Variants in WDFY3 observed in about 807,000 individuals in gnomAD.
The protein encoded by WDFY3 is WD repeat and FYVE domain-containing protein 3.
A neutral mutation model predicts 409.6 loss-of-function variants in WDFY3; 66 were observed. The ratio of observed to expected loss-of-function variants is 0.16; its 90% CI spans 0.13 to 0.20. The LOEUF (loss-of-function observed/expected upper bound fraction) is 0.20. WDFY3 is among the 10% of genes least tolerant of loss of function. WDFY3 has a pLI of 1.00. For synonymous variants in WDFY3, 1,521 were observed against 1,537.1 expected (o/e 0.99, Z 0.25); for missense variants, 3,031 against 4,298.1 (o/e 0.71, Z 8.24).
intron 30 of WDFY3, among the ~76,000 whole-genome samples, chr4:84,769,581 A>AT (rs901949936): frequency 1.3e-5 from 2 of 151,284 alleles, no homozygotes; most frequent in African/African-American, 4.9e-5. Context: ...TGCCCGGCTA[A>AT]TTTTTTTTGT....
At chr4:84,782,845 C>A in intron 25 of WDFY3, 118 bp downstream of exon 25, 1 of 764,786 alleles carries the variant, frequency 1.3e-6, no homozygotes, top group East Asian at 2.5e-5. Context: ...ACTGCACGTA[C>A]ACTATAGGTC....
At chr4:84,963,127 C>CAAAAAAAA (rs112014329) in intron 1 of WDFY3, among the ~76,000 whole-genome samples, 1 of 130,682 alleles carries the variant, frequency 7.7e-6, no homozygotes, top group Non-Finnish European at 1.6e-5. Context: ...AACAAAAAAA[C>CAAAAAAAA]AAAAAAAAAA....
chr4:84,913,308 G>A (rs1579099408), intron 2 of WDFY3, among the ~76,000 whole-genome samples: 1 of 152,138 alleles, frequency 6.6e-6, no homozygotes, highest in Non-Finnish European at 1.5e-5. Flanking sequence ...CATTGTTACA[G>A]AAGAAGCCAT....
intron 2 of WDFY3, among the ~76,000 whole-genome samples, chr4:84,926,983 C>T (rs1440022580): frequency 6.6e-6 from 1 of 152,072 alleles, no homozygotes; most frequent in African/African-American, 2.4e-5. Flanking sequence ...AAAGGAATAC[C>T]ACGTAGAAAT....
At chr4:84,678,133 A>G in intron 66 of WDFY3, 35 bp downstream of exon 66, 1 of 1,545,528 alleles carries the variant, frequency 6.5e-7, no homozygotes, top group Non-Finnish European at 8.9e-7. Context: ...AATGACTCAG[A>G]TGGGAAGCGG....
At chr4:84,947,648 A>G (rs1485321682) in intron 1 of WDFY3, among the ~76,000 whole-genome samples, 1 of 148,854 alleles carries the variant, frequency 6.7e-6, no homozygotes, top group African/African-American at 2.5e-5. Flanking sequence ...GGCAGTCAAG[A>G]TCGCTTGAGT....
intron 4 of WDFY3, among the ~76,000 whole-genome samples, chr4:84,856,645 C>T (rs1759799695): frequency 6.6e-6 from 1 of 152,134 alleles, no homozygotes. Flanking sequence ...AGAAAAAAGA[C>T]TTAATACATG....
chr4:84,743,858 A>C, intron 36 of WDFY3, 59 bp from the exon 37 acceptor site: 1 of 1,224,752 alleles, frequency 8.2e-7, no homozygotes, highest in Non-Finnish European at 1.1e-6. Flanking sequence ...TATGAGCTCA[A>C]CCACATTTAC....
At chr4:84,922,185 C>T (rs949819102) in intron 2 of WDFY3, among the ~76,000 whole-genome samples, 27 of 151,976 alleles carry the variant, frequency 1.8e-4, no homozygotes, top group African/African-American at 6.3e-4. Context: ...TCAAGTTGCA[C>T]AATAACAACA....
In WDFY3 at chr4:84,770,535, G is replaced by A. The variant is rs894900228; in HGVS notation, c.4849+2300C>T. On this transcript the variant is annotated intron_variant, in intron 30 of 67. Coordinates refer to ENST00000295888, the MANE Select transcript of WDFY3 (RefSeq NM_014991.6). ...TACTTTCCTTCTTTCTAGAACTAAC[G>A]CTCAGGCTAAAGTTTCATGGTTATA... 2.6e-5 allele frequency among the ~76,000 whole-genome samples: 4 copies of A among 152,040 alleles called. No individual in the cohort carries two copies. The East Asian group carries it at 5.8e-4, about 22-fold the overall frequency.
At chr4:84,859,640 A>T (rs1760283589) in intron 4 of WDFY3, among the ~76,000 whole-genome samples, 1 of 152,188 alleles carries the variant, frequency 6.6e-6, no homozygotes, top group Admixed American at 6.5e-5. Flanking sequence ...CAATGGCGTG[A>T]TCTCAGTTCA....
chr4:84,806,697 CCTT>C (rs978379133), intron 15 of WDFY3, among the ~76,000 whole-genome samples: 1 of 152,114 alleles, frequency 6.6e-6, no homozygotes, highest in Non-Finnish European at 1.5e-5. Context: ...ACCTCCGCCT[CCTT>C]CGTTCATGCA....
intron 47 of WDFY3, among the ~76,000 whole-genome samples, chr4:84,720,950 G>A (rs994987046): frequency 2.0e-5 from 3 of 152,224 alleles, no homozygotes; most frequent in African/African-American, 7.2e-5. Context: ...TGGAGGTTGA[G>A]CAAGAAATAG....
At chr4:84,864,364 TC>T (rs1023075109) in intron 3 of WDFY3, among the ~76,000 whole-genome samples, 1 of 60,758 alleles carries the variant, frequency 1.6e-5, no homozygotes, top group African/African-American at 7.3e-5. Context: ...AGACTCCATC[TC>T]AAAAAAAAAA....
intron 2 of WDFY3, among the ~76,000 whole-genome samples, chr4:84,917,436 G>A (rs1394386681): frequency 1.3e-5 from 2 of 152,092 alleles, no homozygotes; most frequent in African/African-American, 4.8e-5. Context: ...AAAGCTAGGT[G>A]ATAGATACAT....
intron 1 of WDFY3, among the ~76,000 whole-genome samples, chr4:84,961,460 C>T (rs1774906496): frequency 6.6e-6 from 1 of 151,750 alleles, no homozygotes; most frequent in South Asian, 2.1e-4. Context: ...CTAAACAAAG[C>T]TTTATCTACC....
At chr4:84,810,663 T>C (rs951394715) in intron 13 of WDFY3, among the ~76,000 whole-genome samples, 1 of 152,202 alleles carries the variant, frequency 6.6e-6, no homozygotes, top group Non-Finnish European at 1.5e-5. Flanking sequence ...ACAAAGTAAG[T>C]AAAATATATC....
chr4:84,867,188 G>A (rs1761506218), intron 3 of WDFY3, among the ~76,000 whole-genome samples: 1 of 152,082 alleles, frequency 6.6e-6, no homozygotes, highest in African/African-American at 2.4e-5. Flanking sequence ...CCTTGATCAT[G>A]AAACATTTAA....
chr4:84,671,218 GTGCATA>G lies in WDFY3; in HGVS notation c.*1644_*1649del, dbSNP rs1578074739. 1 of 152,514 alleles carries G rather than the reference GTGCATA, an allele frequency of 6.6e-6. No homozygotes were observed. The highest frequency in any genetic ancestry group is 6.6e-5 in the Admixed American group (1 of 15,256). The allele number at this position is 152,514 out of a possible 1,614,324, so 9.4% of individuals were successfully genotyped here. ...ACCAAATGCCTATTTTTGAATGCAT[GTGCATA>G]TATGTGCATTTTAGTGCATAAGTGT... is the stretch of plus-strand genomic sequence containing the variant. On this transcript the variant is annotated 3_prime_UTR_variant, in exon 68 of 68. Coordinates refer to ENST00000295888, the MANE Select transcript of WDFY3 (RefSeq NM_014991.6).
Sources: gnomAD v4.1 joint callset for allele counts (sites outside exome capture counted in the v4.1 genomes callset) on GRCh38, gnomAD v4.1.1 for gene constraint, MANE v1.5 for transcripts, NCBI Gene and HGNC (gene_info 2026-07-23, HGNC 2026-07-21) for gene names.